The following SDCCAG8 variants were observed in gnomAD, a reference collection of about 807,000 sequenced individuals.
SDCCAG8 encodes serologically defined colon cancer antigen 8.
A neutral mutation model predicts 101.8 loss-of-function variants in SDCCAG8; 74 were observed. That is an observed-to-expected ratio of 0.73 (90% CI 0.60 to 0.88). The LOEUF (loss-of-function observed/expected upper bound fraction) is 0.88. Ranked by LOEUF, SDCCAG8 falls within the 40% of genes least tolerant of loss-of-function variation. The pLI is 0.00. For synonymous variants in SDCCAG8, 281 were observed against 292.9 expected, an observed-to-expected ratio of 0.96 and a Z score of 0.41; for missense variants, 787 against 822.6, an observed-to-expected ratio of 0.96 and a Z score of 0.53.
chr1:243,497,364 G>A (rs540341699), intron 17 of SDCCAG8, among the ~76,000 whole-genome samples: 4 of 148,864 alleles, frequency 2.7e-5, no homozygotes, highest in Non-Finnish European at 3.0e-5. Context: ...AGCAGTGAAC[G>A]GTAAGTTCAA....
At chr1:243,266,776 C>CAAAA (rs566670758) in intron 1 of SDCCAG8, among the ~76,000 whole-genome samples, 31 of 110,978 alleles carry the variant, frequency 2.8e-4, no homozygotes, top group African/African-American at 8.8e-4. Context: ...ATTATAAATA[C>CAAAA]AAAAAAAAAA....
At chr1:243,433,600 G>T (rs1354135294) in intron 16 of SDCCAG8, among the ~76,000 whole-genome samples, 1 of 152,194 alleles carries the variant, frequency 6.6e-6, no homozygotes, top group Admixed American at 6.5e-5. Context: ...TGCCCTTAAA[G>T]TGTTTATTTG....
chr1:243,369,331 G>A (rs111234572), intron 12 of SDCCAG8, among the ~76,000 whole-genome samples: 8,116 of 152,158 alleles, frequency 0.053, 338 homozygotes, highest in African/African-American at 0.11. Flanking sequence ...TTGTCAGATG[G>A]TCATACTATG....
At chr1:243,327,626 G>A (rs1422157817) in intron 9 of SDCCAG8, among the ~76,000 whole-genome samples, 1 of 151,822 alleles carries the variant, frequency 6.6e-6, no homozygotes, top group Non-Finnish European at 1.5e-5. Context: ...TTACTGAATG[G>A]TTATAGGGGT....
intron 16 of SDCCAG8, among the ~76,000 whole-genome samples, chr1:243,481,148 G>A (rs1047712812): frequency 2.0e-5 from 3 of 152,074 alleles, no homozygotes; most frequent in South Asian, 2.1e-4. Flanking sequence ...AGTCATGAGT[G>A]TAGATTTTAA....
chr1:243,440,527 A>AGTTCC (rs1285829302), intron 16 of SDCCAG8, among the ~76,000 whole-genome samples: 11 of 152,274 alleles, frequency 7.2e-5, no homozygotes, highest in African/African-American at 2.6e-4. Context: ...TTCCAGGAAG[A>AGTTCC]ATTCCAGGAA....
chr1:243,381,575 T>G (rs2077959525), intron 13 of SDCCAG8, among the ~76,000 whole-genome samples: 1 of 151,422 alleles, frequency 6.6e-6, no homozygotes, highest in Non-Finnish European at 1.5e-5. Context: ...GGTGACAGAG[T>G]AAGACCCTGT....
intron 12 of SDCCAG8, among the ~76,000 whole-genome samples, chr1:243,377,198 C>T (rs935629643): frequency 6.6e-6 from 1 of 151,982 alleles, no homozygotes; most frequent in Non-Finnish European, 1.5e-5. Flanking sequence ...TAGTTTCTTA[C>T]ATATAGGACT....
intron 17 of SDCCAG8, among the ~76,000 whole-genome samples, chr1:243,492,295 CTTTTTTTTTTTTT>C (rs33950392): frequency 1.6e-5 from 1 of 63,124 alleles, no homozygotes; most frequent in African/African-American, 6.7e-5. Flanking sequence ...CGTTTCTTGG[CTTTTTTTTTTTTT>C]TTTTTTTTTT....
At chr1:243,405,159 C>A (rs1378635393) in intron 13 of SDCCAG8, among the ~76,000 whole-genome samples, 1 of 152,102 alleles carries the variant, frequency 6.6e-6, no homozygotes, top group East Asian at 1.9e-4. Flanking sequence ...AGCCACCGTG[C>A]CTGTCCCAAA....
intron 15 of SDCCAG8, among the ~76,000 whole-genome samples, chr1:243,420,567 T>C (rs143949865): frequency 6.6e-6 from 1 of 152,274 alleles, no homozygotes; most frequent in Non-Finnish European, 1.5e-5. Flanking sequence ...TCTGATGAAT[T>C]AAAGCAGGCA....
At chr1:243,281,085 C>G (rs550319653) in intron 4 of SDCCAG8, among the ~76,000 whole-genome samples, 1 of 152,108 alleles carries the variant, frequency 6.6e-6, no homozygotes, top group Non-Finnish European at 1.5e-5. Flanking sequence ...AGACTTGTAA[C>G]GTCTTCTTGG....
intron 12 of SDCCAG8, among the ~76,000 whole-genome samples, chr1:243,376,165 CTT>C (rs2077583848): frequency 6.6e-6 from 1 of 152,094 alleles, no homozygotes; most frequent in Non-Finnish European, 1.5e-5. Context: ...TTTCTTGTCA[CTT>C]TGCTGTTCTT....
At chr1:243,335,295 A>G (rs2074921214) in intron 10 of SDCCAG8, among the ~76,000 whole-genome samples, 1 of 152,178 alleles carries the variant, frequency 6.6e-6, no homozygotes, top group Non-Finnish European at 1.5e-5. Context: ...CGCCACCTGT[A>G]ACCAATATGA....
intron 11 of SDCCAG8, 147 bp from the exon 12 acceptor site, chr1:243,344,068 T>A: frequency 1.5e-6 from 1 of 681,452 alleles, no homozygotes; most frequent in Non-Finnish European, 2.7e-6. Flanking sequence ...ACAAGCTACG[T>A]TGAATAGTCT....
chr1:243,370,231 C>G (rs921646336), intron 12 of SDCCAG8, among the ~76,000 whole-genome samples: 4 of 151,936 alleles, frequency 2.6e-5, no homozygotes, highest in African/African-American at 9.7e-5. Context: ...CATACAATAC[C>G]TTGAACATTG....
intron 16 of SDCCAG8, among the ~76,000 whole-genome samples, chr1:243,439,517 C>T (rs2082382697): frequency 6.6e-6 from 1 of 151,916 alleles, no homozygotes; most frequent in Admixed American, 6.6e-5. Context: ...CCCATCTACT[C>T]CAGAGGCTGA....
chr1:243,346,007 A>G lies in SDCCAG8; in HGVS notation c.1473+1676A>G, dbSNP rs1177279646. Among the ~76,000 whole-genome samples the G allele has an allele frequency of 2.0e-5, 3 of 152,364 alleles. No individual in the cohort carries two copies. The East Asian group carries it at 5.8e-4, about 29-fold the overall frequency. On this transcript the variant is annotated intron_variant, in intron 12 of 17. Transcript: ENST00000366541. ...AGCTTTAGGAATAAAACCTCTGAAC[A>G]GTTACAAGATGTTTGTGATGTGTTG...
chr1:243,360,095 C>T (rs775075396), intron 12 of SDCCAG8, among the ~76,000 whole-genome samples: 28 of 151,268 alleles, frequency 1.9e-4, no homozygotes, highest in Non-Finnish European at 3.4e-4. Flanking sequence ...CCACTGCTAC[C>T]GTCTAGTTCA....
Sources: allele counts gnomAD v4.1 joint callset (sites outside exome capture counted in the v4.1 genomes callset), GRCh38; gene constraint gnomAD v4.1.1; transcripts MANE v1.5; gene names NCBI Gene and HGNC (gene_info 2026-07-23, HGNC 2026-07-21).